IQGAP1: variants seen among roughly 807,000 people sequenced by gnomAD.
The protein encoded by IQGAP1 is ras GTPase-activating-like protein IQGAP1.
Under a neutral mutation model 215.6 loss-of-function variants are expected in IQGAP1, and 66 were observed. That is an observed-to-expected ratio of 0.31 (90% CI 0.25 to 0.38). The LOEUF is 0.38. Ranked by LOEUF, IQGAP1 falls within the 10% of genes least tolerant of loss-of-function variation. IQGAP1 has a pLI of 1.00. For missense variants in IQGAP1, 1,712 were observed against 1,997.1 expected, an observed-to-expected ratio of 0.86 and a Z score of 2.72; for synonymous variants, 772 against 728.7, an observed-to-expected ratio of 1.06 and a Z score of -0.96.
At chr15:90,444,162 C>G (rs1454807689) in intron 9 of IQGAP1, among the ~76,000 whole-genome samples, 3 of 151,290 alleles carry the variant, frequency 2.0e-5, no homozygotes, top group African/African-American at 4.9e-5. Flanking sequence ...AAATAAACCA[C>G]AAAAATTAGA....
Position 90,456,096 on chromosome 15 carries a change from T to A in IQGAP1, c.1613-56T>A, listed in dbSNP as rs1161671118. The A allele has an allele frequency of 3.6e-5, 53 of 1,455,762 alleles. No homozygotes were observed. The East Asian group carries it at 1.2e-3, about 33-fold the overall frequency. The allele number at this position is 1,455,762 out of a possible 1,614,324, so 90.2% of individuals were successfully genotyped here. A position where few individuals can be genotyped will look rare whatever the true frequency, so the allele number is the denominator to read the frequency against. On this transcript the variant is annotated intron_variant, in intron 14 of 37. Coordinates refer to ENST00000268182, the MANE Select transcript of IQGAP1 (RefSeq NM_003870.4). ...TTAGTTAGCATGTTCCATGATTGAT[T>A]TGTTTATGTACTTCCTTAATTAGAA...
intron 15 of IQGAP1, among the ~76,000 whole-genome samples, chr15:90,464,764 A>G (rs1374596070): frequency 6.6e-6 from 1 of 151,950 alleles, no homozygotes; most frequent in African/African-American, 2.4e-5. Flanking sequence ...AGGCAGGAGA[A>G]TGGCGTGAAC....
At chr15:90,494,558 G>T (rs2151040466) in intron 35 of IQGAP1, 155 bp from the exon 36 acceptor site, 1 of 511,808 alleles carries the variant, frequency 2.0e-6, no homozygotes, top group East Asian at 3.4e-5. Flanking sequence ...TATTGCTTAG[G>T]CTAATTCTAA....
chr15:90,428,773 G>C (rs202081044), intron 3 of IQGAP1, among the ~76,000 whole-genome samples: 1 of 152,098 alleles, frequency 6.6e-6, no homozygotes, highest in East Asian at 1.9e-4. Context: ...CTGCAGCCTG[G>C]ACAACAAAGT....
intron 4 of IQGAP1, among the ~76,000 whole-genome samples, chr15:90,431,777 G>C (rs1297808866): frequency 6.6e-6 from 1 of 152,084 alleles, no homozygotes; most frequent in Non-Finnish European, 1.5e-5. Context: ...ATACGTAATT[G>C]ACAATACGTA....
At chr15:90,393,351 C>T (rs1964664436) in intron 2 of IQGAP1, 1 of 152,134 alleles carries the variant, frequency 6.6e-6, no homozygotes, top group South Asian at 2.1e-4. Flanking sequence ...CTTATCATAC[C>T]TCTAGATTAC....
chr15:90,426,168 C>T lies in IQGAP1; in HGVS notation c.214C>T (p.Leu72Phe). 1 of 1,603,190 alleles carries T rather than the reference C, an allele frequency of 6.2e-7. No individual in the cohort carries two copies. The highest frequency in any genetic ancestry group is 8.5e-7 in the Non-Finnish European group (1 of 1,175,852). ...LPPTTELEEG[L>F]RNGVYLAKLG... is the part of the protein sequence containing the mutation. ...TCCCACCACAGAACTGGAGGAGGGGCTTAGGAATGGGGTCTACCTTGCCAA... is the reference window on the plus strand; with the variant it reads ...TCCCACCACAGAACTGGAGGAGGGGTTTAGGAATGGGGTCTACCTTGCCAA... Residue 72 changes from leucine to phenylalanine, a missense_variant, in exon 3 of 38, where the codon CTT (leucine) becomes TTT (phenylalanine). Physicochemically the swap from Leu to Phe is conservative, Grantham distance 22 (BLOSUM62 0). Coordinates refer to ENST00000268182, the MANE Select transcript of IQGAP1 (RefSeq NM_003870.4).
In IQGAP1 at chr15:90,492,535, T is replaced by G. The variant is rs772201750; in HGVS notation, c.4462-10T>G. On this transcript the variant is annotated splice_polypyrimidine_tract_variant and intron_variant, in intron 34 of 37. Coordinates refer to ENST00000268182, the MANE Select transcript of IQGAP1 (RefSeq NM_003870.4). ...TCGTTATTTTTCTAACTTTAATAAT[T>G]ATGTCTCAGGATATTCGGAATCAGC... 1.9e-6 allele frequency: 3 copies of G among 1,589,574 alleles called. No individual in the cohort carries two copies. The highest frequency in any genetic ancestry group is 2.3e-5 in the South Asian group (2 of 86,930).
intron 32 of IQGAP1, 115 bp downstream of exon 32, chr15:90,487,204 C>A: frequency 2.0e-6 from 2 of 1,008,362 alleles, no homozygotes; most frequent in South Asian, 1.5e-5. Context: ...TCGTACTTGT[C>A]ATAATCCCAG....
rs1212797195 is a variant in IQGAP1 at position 90,502,216 on chromosome 15, A to G, written c.*2108A>G. The stretch of plus-strand genomic sequence containing the variant: ...CACATAGTTGCCTTTGTATCTCTGT[A>G]TGAAATAAAAGGTCATTTGTTCATG... On this transcript the variant is annotated 3_prime_UTR_variant, in exon 38 of 38. Coordinates refer to ENST00000268182, the MANE Select transcript of IQGAP1 (RefSeq NM_003870.4). 1.3e-5 allele frequency: 2 copies of G among 152,638 alleles called. No individual in the cohort carries two copies. 9.5% of individuals were successfully genotyped at this position (152,638 alleles called of 1,614,324 possible).
chr15:90,421,028 C>T (rs992085262), intron 2 of IQGAP1, among the ~76,000 whole-genome samples: 1 of 152,130 alleles, frequency 6.6e-6, no homozygotes. Context: ...CTGATCCCAG[C>T]TACCCAGAGG....
chr15:90,417,047 G>T (rs1170707433), intron 2 of IQGAP1, among the ~76,000 whole-genome samples: 2 of 152,100 alleles, frequency 1.3e-5, no homozygotes, highest in Non-Finnish European at 2.9e-5. Context: ...CCCCTACTTT[G>T]TGATGGGGTT....
chr15:90,472,778 C>T (rs1965923465), intron 18 of IQGAP1, 62 bp from the exon 19 acceptor site: 14 of 1,481,472 alleles, frequency 9.5e-6, no homozygotes, highest in African/African-American at 2.8e-5. Context: ...GATGATACTT[C>T]GTGAAAACCT....
intron 15 of IQGAP1, among the ~76,000 whole-genome samples, chr15:90,458,412 C>G (rs1458454652): frequency 6.6e-6 from 1 of 152,264 alleles, no homozygotes. Flanking sequence ...CTTCAATCTA[C>G]TTCCCTTTTT....
At chr15:90,401,300 GT>G (rs1342570722) in intron 2 of IQGAP1, among the ~76,000 whole-genome samples, 1 of 152,056 alleles carries the variant, frequency 6.6e-6, no homozygotes, top group African/African-American at 2.4e-5. Context: ...AAGAGTAAGA[GT>G]TTACTTGCTG....
chr15:90,497,592 C>T (rs554880040), intron 37 of IQGAP1, among the ~76,000 whole-genome samples: 1 of 152,180 alleles, frequency 6.6e-6, no homozygotes, highest in African/African-American at 2.4e-5. Flanking sequence ...GCCACTAAAT[C>T]GAGCTGACAC....
chr15:90,418,996 A>T (rs1203870728), intron 2 of IQGAP1, among the ~76,000 whole-genome samples: 1 of 152,006 alleles, frequency 6.6e-6, no homozygotes, highest in African/African-American at 2.4e-5. Context: ...AAAAGGCAAA[A>T]ATTAGCCGGG....
At chr15:90,427,609 G>A (rs567559047) in intron 3 of IQGAP1, among the ~76,000 whole-genome samples, 9 of 152,060 alleles carry the variant, frequency 5.9e-5, no homozygotes, top group East Asian at 3.9e-4. Context: ...GCTTGGTGGC[G>A]CACACCTGTA....
intron 2 of IQGAP1, among the ~76,000 whole-genome samples, chr15:90,408,603 T>A (rs541608519): frequency 6.6e-6 from 1 of 152,190 alleles, no homozygotes; most frequent in South Asian, 2.1e-4. Flanking sequence ...GAAGGTAACA[T>A]TTGAATTGGC....
Sources: allele counts gnomAD v4.1 joint callset (sites outside exome capture counted in the v4.1 genomes callset), GRCh38; gene constraint gnomAD v4.1.1; transcripts MANE v1.5; gene names NCBI Gene and HGNC (gene_info 2026-07-23, HGNC 2026-07-21).